Variants in CDH24 observed in about 807,000 individuals in gnomAD.
CDH24 encodes the protein cadherin 24.
CDH24 carries 61 observed loss-of-function variants against 71.2 expected under a neutral mutation model. The observed-to-expected ratio is 0.86, with a 90% CI of 0.70 to 1.06. The LOEUF (loss-of-function observed/expected upper bound fraction) is 1.06, where lower values mean the gene tolerates loss of function less well. CDH24 is among the 50% of genes least tolerant of loss of function. The pLI is 0.00. For missense variants in CDH24, 961 were observed against 1,083.7 expected (o/e 0.89, Z 1.59); for synonymous variants, 440 against 470.2 (o/e 0.94, Z 0.83).
At chr14:23,050,410 A>AC (rs1198708227) in intron 8 of CDH24, among the ~76,000 whole-genome samples, 1 of 152,166 alleles carries the variant, frequency 6.6e-6, no homozygotes, top group Non-Finnish European at 1.5e-5. Context: ...ACATCCCCCG[A>AC]CAACACCCAG....
Position 23,049,020 on chromosome 14 carries a change from G to T in CDH24, c.1846+7C>A, listed in dbSNP as rs1267290708. On this transcript the variant is annotated splice_region_variant and intron_variant, in intron 11 of 12. Transcript: ENST00000487137. Reference sequence around the variant, plus strand: ...GCACAGCTATGTACCACTGTGGCCTGACTCACCAAGCAGGGCACCCACACA... The same window carrying T: ...GCACAGCTATGTACCACTGTGGCCTTACTCACCAAGCAGGGCACCCACACA... The T allele has an allele frequency of 4.3e-6, 7 of 1,610,680 alleles. No individual in the cohort carries two copies. Among genetic ancestry groups the T allele is most frequent in the Non-Finnish European group, 5.9e-6 (7 of 1,178,850 alleles).
chr14:23,050,920 T>C (rs2047081302), intron 8 of CDH24, among the ~76,000 whole-genome samples: 1 of 151,778 alleles, frequency 6.6e-6, no homozygotes, highest in Non-Finnish European at 1.5e-5. Context: ...AGAGACAGGA[T>C]GGGGAGGAGG....
chr14:23,055,376 GCAGAGGGCTCCAAGTA>G lies in CDH24; in HGVS notation c.202-39_202-24del. The G allele has an allele frequency of 6.3e-7, 1 of 1,599,486 alleles. No homozygotes were observed. The highest frequency in any genetic ancestry group is 8.6e-7 in the Non-Finnish European group (1 of 1,168,718). ...CAGCTGCAGGGGTCACGAAAAGATG[GCAGAGGGCTCCAAGTA>G]CAGAGACAGGGTTAAAGAGTCTAGG... On this transcript the variant is annotated intron_variant, in intron 2 of 12. Coordinates refer to ENST00000487137, the MANE Select transcript of CDH24 (RefSeq NM_144985.4). This position sits in a 1 kb window ranked among gnomAD's most constrained non-coding sequence, Gnocchi z 4.1.
Position 23,048,313 on chromosome 14 carries a change from C to A in CDH24, c.2013G>T (p.Ala671=), listed in dbSNP as rs769693138. The change falls in exon 12 of 13, where the codon GCG becomes GCT. Residue 671 remains alanine, a synonymous_variant. Coordinates refer to ENST00000487137, the MANE Select transcript of CDH24 (RefSeq NM_144985.4). ...DITALQNPDG[A]APPAPGPPAR... is the part of the protein sequence containing the mutation. ...CGGGAGGGCCGGGCGCCGGGGGGGC[C>A]GCCCCGTCCGGGTTCTGCAAGGCCG... 2.5e-6 allele frequency: 4 copies of A among 1,606,484 alleles called. No homozygotes were observed. The highest frequency in any genetic ancestry group is 3.4e-6 in the Non-Finnish European group (4 of 1,177,828).
In CDH24 at chr14:23,048,046, G is replaced by T; in HGVS notation, c.2280C>A (p.Asp760Glu). 2 of 1,446,926 alleles carry T rather than the reference G, an allele frequency of 1.4e-6. No individual in the cohort carries two copies. Among genetic ancestry groups the T allele is most frequent in the South Asian group, 1.3e-5 (1 of 75,744 alleles). The allele number at this position is 1,446,926 out of a possible 1,614,324, so 89.6% of individuals were successfully genotyped here. A position where few individuals can be genotyped will look rare whatever the true frequency, so the allele number is the denominator to read the frequency against. ...GGAPGPAEPL[D>E]DWGPLFRTLA... ...GGGTGCGGAAGAGCGGACCCCAGTCGTCCAGCGGCTCCGCGGGGCCGGGGG... is the reference window on the plus strand; with the variant it reads ...GGGTGCGGAAGAGCGGACCCCAGTCTTCCAGCGGCTCCGCGGGGCCGGGGG... The change falls in exon 12 of 13, where the codon GAC (aspartate) becomes GAA (glutamate). Residue 760 changes from aspartate (D) to glutamate (E), a missense_variant. Physicochemically the swap from Asp to Glu is conservative, Grantham distance 45 (BLOSUM62 2). Coordinates refer to ENST00000487137, the MANE Select transcript of CDH24 (RefSeq NM_144985.4).
intron 8 of CDH24, 145 bp downstream of exon 8, chr14:23,052,328 G>T (rs2047090713): frequency 2.1e-6 from 2 of 932,260 alleles, no homozygotes; most frequent in South Asian, 2.8e-5. Context: ...TTGGATCCAG[G>T]CTAGGACTCA....
rs1343011717 is a variant in CDH24, at chr14:23,047,640, CTA to C, written c.*338_*339del. On this transcript the variant is annotated 3_prime_UTR_variant, in exon 12 of 13. Transcript: ENST00000487137. ...TATGGGCAAGGAAGACGCAGGGAGA[CTA>C]TGTGTGAGCTTCAGAACTGCAGAGA... 8.5e-5 allele frequency: 18 copies of C among 212,528 alleles called. No homozygotes were observed. In the East Asian group the frequency reaches 1.8e-3, roughly 22 times the overall value. 13.2% of individuals were successfully genotyped at this position (212,528 alleles called of 1,614,324 possible). A position where few individuals can be genotyped will look rare whatever the true frequency, so the allele number is the denominator to read the frequency against.
At position 23,054,821 on chromosome 14, in the gene CDH24, C is replaced by G. The variant is rs2047113571; in HGVS notation, c.542G>C (p.Ser181Thr). The change falls in exon 4 of 13, where the codon AGC becomes ACC. Residue 181 changes from serine to threonine, a missense_variant. Ser to Thr is a moderately conservative substitution (Grantham distance 58). Coordinates refer to ENST00000487137, the MANE Select transcript of CDH24 (RefSeq NM_144985.4). The surrounding 1 kb of genome is among the most constrained non-coding windows in gnomAD (Gnocchi z 5.2). ...QVTAHDADDPSYGNSAKLVYT... is the reference protein window; with the variant it reads ...QVTAHDADDPTYGNSAKLVYT... ...CACCAGCTTGGCACTGTTCCCATAG[C>G]TGGGGTCATCAGCATCGTGAGCAGT... is the stretch of plus-strand genomic sequence containing the variant. The G allele has an allele frequency of 6.2e-7, 1 of 1,613,808 alleles. No individual in the cohort carries two copies. The highest frequency in any genetic ancestry group is 1.7e-5 in the Admixed American group (1 of 60,006).
In CDH24 at chr14:23,055,886, A is replaced by G. The variant is rs2047126189; in HGVS notation, c.-124-29T>C. 11 of 654,062 alleles carry G rather than the reference A, an allele frequency of 1.7e-5. No homozygotes were observed. Among genetic ancestry groups the G allele is most frequent in the Middle Eastern group, 4.3e-4 (1 of 2,350 alleles). The allele number at this position is 654,062 out of a possible 1,614,324, so 40.5% of individuals were successfully genotyped here. A position where few individuals can be genotyped will look rare whatever the true frequency, so the allele number is the denominator to read the frequency against. ...CAGGACAAGCAGCTGCTCAGGCTCAAGGAAACCCCTAGCCCTCCTCCCCCG... is the reference window on the plus strand; with the variant it reads ...CAGGACAAGCAGCTGCTCAGGCTCAGGGAAACCCCTAGCCCTCCTCCCCCG... On this transcript the variant is annotated intron_variant, in intron 1 of 12. Coordinates refer to ENST00000487137, the MANE Select transcript of CDH24 (RefSeq NM_144985.4). This position sits in a 1 kb window ranked among gnomAD's most constrained non-coding sequence, Gnocchi z 4.1.
rs186404113 is a variant in CDH24, at chr14:23,049,279, T to C, written c.1598-4A>G. On this transcript the variant is annotated splice_polypyrimidine_tract_variant and splice_region_variant and intron_variant, in intron 10 of 12. Transcript: ENST00000487137. ...AGCAGCAGGCTGGCGGAGCCATCTG[T>C]GGGAGAGGGAAGGTGTTGAGGTATC... The C allele has an allele frequency of 5.1e-6, 8 of 1,567,410 alleles. No individual in the cohort carries two copies. The Admixed American group carries it at 1.5e-4, about 29-fold the overall frequency.
rs780138714 is a variant in CDH24, at chr14:23,053,531, G to A, written c.1191C>T (p.Ser397=). 26 of 1,594,744 alleles carry A rather than the reference G, an allele frequency of 1.6e-5. No homozygotes were observed. The highest frequency in any genetic ancestry group is 1.7e-4 in the Middle Eastern group (1 of 5,978). Residue 397 remains serine (S), a synonymous_variant, in exon 7 of 13, where the codon TCC becomes TCT. Coordinates refer to ENST00000487137, the MANE Select transcript of CDH24 (RefSeq NM_144985.4). The part of the protein sequence containing the change: ...KAPGTLVGQI[S]AADLDSPASP... ...TGGCAGGGGAGTCCAGGTCAGCCGCGGAGATCTGGCCTACCAGGGTCCCCG... is the reference window on the plus strand; with the variant it reads ...TGGCAGGGGAGTCCAGGTCAGCCGCAGAGATCTGGCCTACCAGGGTCCCCG...
intron 7 of CDH24, 139 bp from the exon 8 acceptor site, chr14:23,052,748 C>T (rs1213597272): frequency 3.5e-6 from 3 of 851,270 alleles, no homozygotes; most frequent in Non-Finnish European, 5.5e-6. Context: ...AGGTTGGAGT[C>T]CCCTTAAAAG....
chr14:23,048,926 C>G, intron 11 of CDH24, 101 bp downstream of exon 11: 2 of 1,410,604 alleles, frequency 1.4e-6, no homozygotes, highest in Non-Finnish European at 1.9e-6. Context: ...GAGGGTCGTT[C>G]AAGCCCTAAG....
At position 23,053,695 on chromosome 14, in the gene CDH24, T is replaced by C. The variant is rs2047102176; in HGVS notation, c.1027A>G (p.Thr343Ala). ...CGCAGATAGGCTGGGTCAATGAGCG[T>C]GTTGGTGGCCTCGACACGGAAGGAG... ...SYSFRVEATN[T>A]LIDPAYLRRG... The change falls in exon 7 of 13, where the codon ACG becomes GCG. Residue 343 changes from threonine to alanine, a missense_variant. Thr to Ala is a moderately conservative substitution (Grantham distance 58). Transcript: ENST00000487137. 1 of 1,613,436 alleles carries C rather than the reference T, an allele frequency of 6.2e-7. No homozygotes were observed. Among genetic ancestry groups the C allele is most frequent in the Non-Finnish European group, 8.5e-7 (1 of 1,179,730 alleles).
chr14:23,055,897 A>G lies in CDH24; in HGVS notation c.-124-40T>C, dbSNP rs1594727885. ...GCTGCTCAGGCTCAAGGAAACCCCT[A>G]GCCCTCCTCCCCCGCAAAATTAGAT... On this transcript the variant is annotated intron_variant, in intron 1 of 12. Transcript: ENST00000487137. This position sits in a 1 kb window ranked among gnomAD's most constrained non-coding sequence, Gnocchi z 4.1. 9.8e-6 allele frequency: 6 copies of G among 612,064 alleles called. No homozygotes were observed. The East Asian group carries it at 1.7e-4, about 17-fold the overall frequency. 37.9% of individuals were successfully genotyped at this position (612,064 alleles called of 1,614,324 possible).
Position 23,047,994 on chromosome 14 carries a change from G to A in CDH24, c.2332C>T (p.Pro778Ser), listed in dbSNP as rs1190637324. ...TLAELYGAKE[P>S]PAP ...AGCCCGGGCGCTCAGGGGGCCGGGG[G>A]CTCCTTGGCCCCATACAGCTCGGCC... The change falls in exon 12 of 13, where the codon CCC becomes TCC. Residue 778 changes from proline (P) to serine (S), a missense_variant. By Grantham distance (74) the Pro-to-Ser change is moderately conservative. Transcript: ENST00000487137. 18 of 1,372,140 alleles carry A rather than the reference G, an allele frequency of 1.3e-5. No homozygotes were observed. The East Asian group carries it at 3.2e-4, about 24-fold the overall frequency. The allele number at this position is 1,372,140 out of a possible 1,614,324, so 85.0% of individuals were successfully genotyped here.
Position 23,054,505 on chromosome 14 carries a change from C to T in CDH24, c.784+1G>A, listed in dbSNP as rs752447322. On this transcript the variant is annotated splice_donor_variant, in intron 5 of 12. Coordinates refer to ENST00000487137, the MANE Select transcript of CDH24 (RefSeq NM_144985.4). LOFTEE classifies it high-confidence loss of function. The surrounding 1 kb of genome is among the most constrained non-coding windows in gnomAD (Gnocchi z 5.2). ...CTCAGGTGGCAGCAATGGCCCCTTA[C>T]TCTGTGGGAACTTGGGGGGGTTGTC... 2 of 1,611,918 alleles carry T rather than the reference C, an allele frequency of 1.2e-6. No individual in the cohort carries two copies. The highest frequency in any genetic ancestry group is 1.7e-5 in the Admixed American group (1 of 59,864).
Position 23,053,669 on chromosome 14 carries a change from C to A in CDH24, c.1053G>T (p.Arg351=), listed in dbSNP as rs781062574. The A allele has an allele frequency of 6.2e-7, 1 of 1,614,018 alleles. No individual in the cohort carries two copies. Among genetic ancestry groups the A allele is most frequent in the South Asian group, 1.1e-5 (1 of 91,086 alleles). ...TNTLIDPAYL[R]RGPFKDVASV... is the part of the protein sequence containing the mutation. ...AGGCCACATCCTTGAAGGGCCCTCG[C>A]CGCAGATAGGCTGGGTCAATGAGCG... Residue 351 remains arginine (R), a synonymous_variant, in exon 7 of 13, where the codon CGG becomes CGT. Transcript: ENST00000487137.
Position 23,055,487 on chromosome 14 carries a change from C to T in CDH24, c.201+46G>A, listed in dbSNP as rs1329188623. The T allele has an allele frequency of 6.2e-7, 1 of 1,605,258 alleles. No individual in the cohort carries two copies. Among genetic ancestry groups the T allele is most frequent in the Non-Finnish European group, 8.5e-7 (1 of 1,174,364 alleles). On this transcript the variant is annotated intron_variant, in intron 2 of 12. Transcript: ENST00000487137. The surrounding 1 kb of genome is among the most constrained non-coding windows in gnomAD (Gnocchi z 4.1). Reference sequence around the variant, plus strand: ...GAAGTGATGAAGTTGCAGGGCAGGGCCTGAGGGCTTGGTGTCAGAGTAGAC... The same window carrying T: ...GAAGTGATGAAGTTGCAGGGCAGGGTCTGAGGGCTTGGTGTCAGAGTAGAC...
Sources: allele counts gnomAD v4.1 joint callset (sites outside exome capture counted in the v4.1 genomes callset), GRCh38; gene constraint gnomAD v4.1.1; non-coding constraint Gnocchi (gnomAD v3.1); transcripts MANE v1.5; gene names NCBI Gene and HGNC (gene_info 2026-07-23, HGNC 2026-07-21).